CTNND2: variants seen among roughly 807,000 people sequenced by gnomAD.
CTNND2 encodes the protein catenin delta-2.
CTNND2 carries 22 observed loss-of-function variants against 144.4 expected under a neutral mutation model. That is an observed-to-expected ratio of 0.15 (90% confidence interval 0.11 to 0.22). The LOEUF (loss-of-function observed/expected upper bound fraction) is 0.22. Among genes scored for constraint, CTNND2 ranks in the 10% least tolerant of loss-of-function variants. The probability of loss-of-function intolerance (pLI) is 1.00; values close to 1 mark genes in which losing one functional copy is unlikely to be tolerated. For synonymous variants in CTNND2, 751 were observed against 695.6 expected (o/e 1.08, Z -1.25); for missense variants, 1,353 against 1,618.8 (o/e 0.84, Z 2.82).
intron 1 of CTNND2, among the ~76,000 whole-genome samples, chr5:11,820,149 C>T (rs1017867463): frequency 1.3e-4 from 20 of 152,146 alleles, no homozygotes; most frequent in African/African-American, 3.9e-4. Context: ...GATACGAAAC[C>T]CCATAGCATA....
rs61749854 is a variant in CTNND2 at position 11,383,427 on chromosome 5, A to G, written c.1177+1238T>C. ...ACTCCTGAGTCCCTACAGCATGAAG[A>G]TTTAGGTACTCATACTGGGTTGGCA... On this transcript the variant is annotated intron_variant, in intron 7 of 21. Transcript: ENST00000304623. 8.2e-3 allele frequency among the ~76,000 whole-genome samples: 1,249 copies of G among 152,282 alleles called. 11 individuals carry two copies. The highest frequency in any genetic ancestry group is 0.027 in the African/African-American group (1,112 of 41,566).
chr5:11,257,423 G>T (rs1331473313), intron 9 of CTNND2, among the ~76,000 whole-genome samples: 5 of 152,176 alleles, frequency 3.3e-5, no homozygotes, highest in African/African-American at 1.2e-4. Context: ...AATTTACAAA[G>T]AAAAGAGGTT....
At chr5:11,621,806 A>G (rs1168233212) in intron 2 of CTNND2, among the ~76,000 whole-genome samples, 1 of 152,196 alleles carries the variant, frequency 6.6e-6, no homozygotes, top group Non-Finnish European at 1.5e-5. Context: ...AATTTTAAAC[A>G]TCTAAGCTGT....
chr5:11,032,337 G>A (rs1319737914), intron 16 of CTNND2, among the ~76,000 whole-genome samples: 3 of 152,154 alleles, frequency 2.0e-5, no homozygotes, highest in African/African-American at 7.2e-5. Flanking sequence ...ATGCTGGAAT[G>A]TTTTGTCTCT....
intron 2 of CTNND2, among the ~76,000 whole-genome samples, chr5:11,603,482 T>C (rs994335631): frequency 6.6e-6 from 1 of 152,158 alleles, no homozygotes; most frequent in Non-Finnish European, 1.5e-5. Flanking sequence ...TGTCTGTAAG[T>C]ATCCAAGATT....
At chr5:11,471,106 T>A (rs1767188793) in intron 3 of CTNND2, among the ~76,000 whole-genome samples, 1 of 150,712 alleles carries the variant, frequency 6.6e-6, no homozygotes, top group South Asian at 2.1e-4. Flanking sequence ...GCCTCCTGAG[T>A]AGCGGGGACT....
At chr5:11,837,424 A>G (rs888410299) in intron 1 of CTNND2, among the ~76,000 whole-genome samples, 5 of 152,256 alleles carry the variant, frequency 3.3e-5, no homozygotes, top group African/African-American at 1.2e-4. Context: ...GTAAATATAC[A>G]ATGGGACATT....
chr5:11,060,083 C>T (rs896655982), intron 16 of CTNND2, among the ~76,000 whole-genome samples: 7 of 152,130 alleles, frequency 4.6e-5, no homozygotes, highest in Admixed American at 1.3e-4. Flanking sequence ...AGGCTATTCT[C>T]ACTTCTAAAT....
intron 6 of CTNND2, chr5:11,385,615 G>A (rs959102642): frequency 3.3e-5 from 5 of 152,148 alleles, no homozygotes; most frequent in African/African-American, 1.2e-4. Context: ...TTGTTTTAAT[G>A]AGAAATTCGG....
intron 1 of CTNND2, among the ~76,000 whole-genome samples, chr5:11,757,916 A>G (rs1789041364): frequency 6.6e-6 from 1 of 152,042 alleles, no homozygotes. Context: ...GATGAGACTC[A>G]GGAAAAATAA....
intron 5 of CTNND2, among the ~76,000 whole-genome samples, chr5:11,402,634 A>T (rs1760733205): frequency 6.6e-6 from 1 of 152,180 alleles, no homozygotes; most frequent in Non-Finnish European, 1.5e-5. Context: ...TATAAAGCTC[A>T]TTTGGAGGAG....
Position 10,988,042 on chromosome 5 carries a change from T to C in CTNND2, c.3343+69A>G, listed in dbSNP as rs1738217189. 17 of 1,598,554 alleles carry C rather than the reference T, an allele frequency of 1.1e-5. No homozygotes were observed. In the South Asian group the frequency reaches 1.9e-4, roughly 18 times the overall value. ...GCAGCCAGCCCCGTGAAGCCTGATGTCCCATATCTCTGCCTTGTCGCGGGT... is the reference window on the plus strand; with the variant it reads ...GCAGCCAGCCCCGTGAAGCCTGATGCCCCATATCTCTGCCTTGTCGCGGGT... On this transcript the variant is annotated intron_variant, in intron 20 of 21. Transcript: ENST00000304623. The surrounding 1 kb of genome is among the most constrained non-coding windows in gnomAD (Gnocchi z 5.9).
chr5:11,289,439 C>T (rs1748086989), intron 9 of CTNND2, among the ~76,000 whole-genome samples: 1 of 152,122 alleles, frequency 6.6e-6, no homozygotes, highest in South Asian at 2.1e-4. Flanking sequence ...TGGATTTGGC[C>T]AAAAGAACAA....
chr5:11,344,012 A>C (rs1184556043), intron 9 of CTNND2, among the ~76,000 whole-genome samples: 1 of 152,252 alleles, frequency 6.6e-6, no homozygotes, highest in African/African-American at 2.4e-5. Flanking sequence ...CCTATGAGGA[A>C]TCAAATTATA....
At chr5:11,744,311 A>G (rs1372716789) in intron 1 of CTNND2, among the ~76,000 whole-genome samples, 1 of 152,228 alleles carries the variant, frequency 6.6e-6, no homozygotes, top group Non-Finnish European at 1.5e-5. Flanking sequence ...CAAGCTTGTG[A>G]CTTGAGAGCC....
At chr5:11,221,222 C>T (rs1739757802) in intron 10 of CTNND2, among the ~76,000 whole-genome samples, 2 of 152,210 alleles carry the variant, frequency 1.3e-5, no homozygotes, top group African/African-American at 4.8e-5. Context: ...TTCCAATCAG[C>T]GTCTGATACG....
chr5:11,314,847 C>A (rs809757), intron 9 of CTNND2, among the ~76,000 whole-genome samples: 10,920 of 108,980 alleles, frequency 0.1, 1,253 homozygotes, highest in African/African-American at 0.31. Flanking sequence ...TATGGGGTAG[C>A]CAGGGGTGGC....
chr5:11,601,471 A>C (rs1414143836), intron 2 of CTNND2, among the ~76,000 whole-genome samples: 2 of 152,178 alleles, frequency 1.3e-5, no homozygotes, highest in African/African-American at 4.8e-5. Flanking sequence ...ATTAAAAATA[A>C]AATTTAGATC....
chr5:11,307,910 T>C (rs970748182), intron 9 of CTNND2, among the ~76,000 whole-genome samples: 4 of 152,152 alleles, frequency 2.6e-5, no homozygotes, highest in Non-Finnish European at 5.9e-5. Flanking sequence ...GATTAGGTTA[T>C]GAGAGTAGAC....
Sources: gnomAD v4.1 joint callset for allele counts (sites outside exome capture counted in the v4.1 genomes callset) on GRCh38, gnomAD v4.1.1 for gene constraint, Gnocchi (gnomAD v3.1) non-coding constraint, MANE v1.5 for transcripts, NCBI Gene and HGNC (gene_info 2026-07-23, HGNC 2026-07-21) for gene names.